The following PLEKHA2 variants were observed in gnomAD, a reference collection of about 807,000 sequenced individuals.
The protein encoded by PLEKHA2 is pleckstrin homology domain containing A2, also known as pleckstrin homology domain-containing family A member 2.
In PLEKHA2, 28 loss-of-function variants were observed where a neutral mutation model predicts 53.2. That is an observed-to-expected ratio of 0.53 (90% CI 0.39 to 0.72). PLEKHA2 has a LOEUF of 0.72. Among genes scored for constraint, PLEKHA2 ranks in the 30% least tolerant of loss-of-function variants. PLEKHA2 has a pLI of 0.00. For synonymous variants in PLEKHA2, 193 were observed against 196.4 expected, an observed-to-expected ratio of 0.98 and a Z score of 0.14; for missense variants, 426 against 537.9, an observed-to-expected ratio of 0.79 and a Z score of 2.06.
chr8:38,940,655 G>T lies in PLEKHA2; in HGVS notation c.199-3134G>T, dbSNP rs869037331. ...CGTGGTCCAGATTGAAGGGGCGGGGGGGGGGGGTCAGAAACCCAGGAAGCA... is the reference window on the plus strand; with the variant it reads ...CGTGGTCCAGATTGAAGGGGCGGGGTGGGGGGGTCAGAAACCCAGGAAGCA... On this transcript the variant is annotated intron_variant, in intron 3 of 11. Transcript: ENST00000617275. Among the ~76,000 whole-genome samples, 9 of 107,736 alleles carry T rather than the reference G, an allele frequency of 8.4e-5. No homozygotes were observed. The East Asian group carries it at 1.0e-3, about 12-fold the overall frequency. 70.7% of individuals were successfully genotyped at this position (107,736 alleles called of 152,430 possible). A position where few individuals can be genotyped will look rare whatever the true frequency, so the allele number is the denominator to read the frequency against.
chr8:38,953,201 C>A, intron 8 of PLEKHA2, 96 bp from the exon 9 acceptor site: 1 of 983,868 alleles, frequency 1.0e-6, no homozygotes, highest in Non-Finnish European at 1.6e-6. Context: ...CTGATTTTAG[C>A]CAACCATCTC....
chr8:38,968,408 G>A (rs1835180236), intron 10 of PLEKHA2, among the ~76,000 whole-genome samples, 184 bp from the exon 11 acceptor site: 1 of 152,194 alleles, frequency 6.6e-6, no homozygotes, highest in South Asian at 2.1e-4. Context: ...TTTATTGGGT[G>A]TCAAATAAGA....
At chr8:38,913,407 T>G (rs1223679356) in intron 1 of PLEKHA2, among the ~76,000 whole-genome samples, 1 of 150,496 alleles carries the variant, frequency 6.6e-6, no homozygotes, top group East Asian at 2.0e-4. Context: ...AGATGAATCC[T>G]GCAGGCTAAA....
At chr8:38,958,177 A>T (rs1588274528) in intron 10 of PLEKHA2, among the ~76,000 whole-genome samples, 1 of 152,002 alleles carries the variant, frequency 6.6e-6, no homozygotes. Flanking sequence ...ATACAAAAAA[A>T]TTAGCTGGAC....
intron 1 of PLEKHA2, among the ~76,000 whole-genome samples, 194 bp downstream of exon 1, chr8:38,901,639 G>A (rs922355369): frequency 6.6e-6 from 1 of 151,854 alleles, no homozygotes; most frequent in Non-Finnish European, 1.5e-5. Context: ...GACCCTGGAG[G>A]CCTCCTCCAA....
intron 1 of PLEKHA2, among the ~76,000 whole-genome samples, chr8:38,916,522 G>A (rs1472050451): frequency 1.3e-5 from 2 of 152,048 alleles, no homozygotes; most frequent in East Asian, 3.9e-4. Context: ...TGTGATGTCT[G>A]TCTTTCTGTG....
At chr8:38,902,108 T>C (rs1430202937) in intron 1 of PLEKHA2, 1 of 152,016 alleles carries the variant, frequency 6.6e-6, no homozygotes, top group Non-Finnish European at 1.5e-5. Context: ...AGGGGAGCTG[T>C]CGTTCTCTCT....
intron 10 of PLEKHA2, among the ~76,000 whole-genome samples, chr8:38,968,095 G>A (rs908596842): frequency 1.3e-5 from 2 of 152,148 alleles, no homozygotes; most frequent in African/African-American, 2.4e-5. Flanking sequence ...ATATCTTAGA[G>A]GATTTACAGT....
intron 2 of PLEKHA2, among the ~76,000 whole-genome samples, chr8:38,918,625 A>ACAC (rs1834121522): frequency 1.2e-5 from 1 of 85,874 alleles, no homozygotes; most frequent in Non-Finnish European, 2.5e-5. Flanking sequence ...CCATACACAC[A>ACAC]CACCACACAC....
At chr8:38,924,359 G>C (rs1834246462) in intron 2 of PLEKHA2, among the ~76,000 whole-genome samples, 1 of 152,156 alleles carries the variant, frequency 6.6e-6, no homozygotes, top group Admixed American at 6.5e-5. Context: ...CAGGGAGTCA[G>C]GCGCGGAGGC....
intron 2 of PLEKHA2, among the ~76,000 whole-genome samples, chr8:38,929,074 C>T (rs1205843028): frequency 6.6e-6 from 1 of 152,222 alleles, no homozygotes; most frequent in Non-Finnish European, 1.5e-5. Flanking sequence ...CCTCTGCAGG[C>T]ACATTCTTTT....
intron 3 of PLEKHA2, among the ~76,000 whole-genome samples, chr8:38,942,756 T>A (rs1834634710): frequency 6.6e-6 from 1 of 152,150 alleles, no homozygotes; most frequent in South Asian, 2.1e-4. Context: ...TGAGCCTGAA[T>A]GATGAGAGTT....
chr8:38,951,101 G>GTGTGGAAGTGTCCATGGTGT, intron 6 of PLEKHA2, 111 bp downstream of exon 6: 1 of 664,184 alleles, frequency 1.5e-6, no homozygotes, highest in Non-Finnish European at 2.3e-6. Flanking sequence ...GGGAGTGGGG[G>GTGTGGAAGTGTCCATGGTGT]GCAGCTGGTG....
chr8:38,930,322 C>G lies in PLEKHA2; in HGVS notation c.142-5672C>G, dbSNP rs185553712. Among the ~76,000 whole-genome samples, 986 of 152,286 alleles carry G rather than the reference C, an allele frequency of 6.5e-3. 6 individuals carry two copies. Among genetic ancestry groups the G allele is most frequent in the Non-Finnish European group, 6.9e-3 (467 of 68,042 alleles). On this transcript the variant is annotated intron_variant, in intron 2 of 11. Coordinates refer to ENST00000617275, the MANE Select transcript of PLEKHA2 (RefSeq NM_021623.2). Reference sequence around the variant, plus strand: ...GTTCAAGCAATTCTCGTGCCTCAGCCTCCCAAGTAGCTGGGATTACAGGCG... The same window carrying G: ...GTTCAAGCAATTCTCGTGCCTCAGCGTCCCAAGTAGCTGGGATTACAGGCG...
intron 9 of PLEKHA2, among the ~76,000 whole-genome samples, chr8:38,955,975 T>A (rs932505254): frequency 6.6e-6 from 1 of 152,096 alleles, no homozygotes; most frequent in African/African-American, 2.4e-5. Flanking sequence ...CACACCTGAC[T>A]CAGTTTTGTA....
At position 38,931,593 on chromosome 8, in the gene PLEKHA2, G is replaced by C. The variant is rs559863456; in HGVS notation, c.142-4401G>C. On this transcript the variant is annotated intron_variant, in intron 2 of 11. Coordinates refer to ENST00000617275, the MANE Select transcript of PLEKHA2 (RefSeq NM_021623.2). ...AACCTGGGAGATGTCACGAGAAAAC[G>C]TTGTTTGCCGGTGGTGGGCAGAGCT... is the stretch of plus-strand genomic sequence containing the variant. Among the ~76,000 whole-genome samples, 351 of 152,320 alleles carry C rather than the reference G, an allele frequency of 2.3e-3. 2 individuals carry two copies. The highest frequency in any genetic ancestry group is 8.1e-3 in the African/African-American group (338 of 41,570).
chr8:38,966,999 A>G (rs1173808220), intron 10 of PLEKHA2, among the ~76,000 whole-genome samples: 1 of 118,598 alleles, frequency 8.4e-6, no homozygotes, highest in African/African-American at 3.3e-5. Context: ...CCCTATGTCC[A>G]TGTGTACCCA....
At chr8:38,969,071 T>TC (rs1314329288) in intron 11 of PLEKHA2, 6 of 310,020 alleles carry the variant, frequency 1.9e-5, no homozygotes, top group East Asian at 9.3e-5. Context: ...GCTGATTTTT[T>TC]TGTATTTTTA....
rs1425114792 is a variant in PLEKHA2 at position 38,972,771 on chromosome 8, T to G, written c.*2988T>G. The G allele has an allele frequency of 1.4e-5, 2 of 147,804 alleles. No homozygotes were observed. The highest frequency in any genetic ancestry group is 2.5e-5 in the African/African-American group (1 of 40,354). 9.2% of individuals were successfully genotyped at this position (147,804 alleles called of 1,614,324 possible). On this transcript the variant is annotated 3_prime_UTR_variant, in exon 12 of 12. Transcript: ENST00000617275. ...CATAGGCTCTGGAGTAAATCTGAGT[T>G]TTTTTTTTTTTAAAGGAACTAAAAA...
Sources: allele counts gnomAD v4.1 joint callset (sites outside exome capture counted in the v4.1 genomes callset), GRCh38; gene constraint gnomAD v4.1.1; transcripts MANE v1.5; gene names NCBI Gene and HGNC (gene_info 2026-07-23, HGNC 2026-07-21).